MYO1E: variants seen among roughly 807,000 people sequenced by gnomAD.
MYO1E encodes the protein unconventional myosin-Ie.
MYO1E carries 68 observed loss-of-function variants against 151.1 expected under a neutral mutation model. That is an observed-to-expected ratio of 0.45 (90% CI 0.37 to 0.55). MYO1E has a LOEUF of 0.55. Among genes scored for constraint, MYO1E ranks in the 20% least tolerant of loss-of-function variants. The pLI, the probability that MYO1E is intolerant of heterozygous loss-of-function variation, is 0.00. For missense variants in MYO1E, 1,363 were observed against 1,389.3 expected (o/e 0.98, Z 0.30); for synonymous variants, 601 against 501.7 (o/e 1.20, Z -2.64).
At chr15:59,223,717 C>G (rs1291621452) in intron 8 of MYO1E, among the ~76,000 whole-genome samples, 2 of 152,172 alleles carry the variant, frequency 1.3e-5, no homozygotes, top group African/African-American at 4.8e-5. Flanking sequence ...AATGAAAAAT[C>G]TCCAGGAAAT....
chr15:59,258,106 G>C (rs2080204369), intron 3 of MYO1E, among the ~76,000 whole-genome samples: 1 of 152,144 alleles, frequency 6.6e-6, no homozygotes, highest in African/African-American at 2.4e-5. Flanking sequence ...CAGCACTTTG[G>C]GAGGCTGAGG....
intron 1 of MYO1E, among the ~76,000 whole-genome samples, chr15:59,309,934 C>T (rs951665120): frequency 2.6e-5 from 4 of 152,164 alleles, no homozygotes; most frequent in Non-Finnish European, 5.9e-5. Context: ...CCTCCCACTA[C>T]ATCAGATCTT....
chr15:59,156,382 G>A lies in MYO1E; in HGVS notation c.2878+1905C>T, dbSNP rs75848656. Among the ~76,000 whole-genome samples, 76 of 152,198 alleles carry A rather than the reference G, an allele frequency of 5.0e-4. 2 individuals carry two copies. In the East Asian group the frequency reaches 0.014, roughly 29 times the overall value. On this transcript the variant is annotated intron_variant, in intron 25 of 27. Coordinates refer to ENST00000288235, the MANE Select transcript of MYO1E (RefSeq NM_004998.4). ...GTATTTTTAGTAGAGACAGGGTTTTGTCATGTTGGCTAGGCTGGTCTCAAA... is the reference window on the plus strand; with the variant it reads ...GTATTTTTAGTAGAGACAGGGTTTTATCATGTTGGCTAGGCTGGTCTCAAA...
At chr15:59,179,000 T>A (rs1255079404) in intron 18 of MYO1E, among the ~76,000 whole-genome samples, 1 of 152,252 alleles carries the variant, frequency 6.6e-6, no homozygotes, top group African/African-American at 2.4e-5. Context: ...TTTGAAATTC[T>A]GTGCATCTGG....
chr15:59,329,666 C>A (rs2080686815), intron 1 of MYO1E, among the ~76,000 whole-genome samples: 1 of 152,136 alleles, frequency 6.6e-6, no homozygotes, highest in South Asian at 2.1e-4. Context: ...TGAAAACTGC[C>A]AGCCGTCAAA....
At chr15:59,231,597 G>T in intron 6 of MYO1E, 105 bp downstream of exon 6, 1 of 1,209,738 alleles carries the variant, frequency 8.3e-7, no homozygotes, top group Non-Finnish European at 1.2e-6. Context: ...GTGGCCTCCT[G>T]ATGATATGTG....
intron 27 of MYO1E, 115 bp downstream of exon 27, chr15:59,138,083 T>C: frequency 7.6e-7 from 1 of 1,316,852 alleles, no homozygotes; most frequent in Admixed American, 1.7e-5. Flanking sequence ...GACCTGCCTC[T>C]ACAAATTGCA....
intron 1 of MYO1E, among the ~76,000 whole-genome samples, chr15:59,295,456 A>G (rs2080443234): frequency 1.3e-5 from 2 of 152,216 alleles, no homozygotes; most frequent in African/African-American, 4.8e-5. Context: ...AGGGCCAGGA[A>G]GGCAAGGCTG....
chr15:59,181,656 G>A (rs1204955855), intron 18 of MYO1E, among the ~76,000 whole-genome samples: 1 of 152,210 alleles, frequency 6.6e-6, no homozygotes, highest in African/African-American at 2.4e-5. Context: ...ATTTTCCAGA[G>A]AGGAAACGAA....
rs748551308 is a variant in MYO1E, at chr15:59,221,289, C to G, written c.910+1770G>C. ...CCTCCTGAAGTGCTGGGATTACAGG[C>G]ATGAGCCACCATGCCTGGCCTAAGA... is the stretch of plus-strand genomic sequence containing the variant. On this transcript the variant is annotated intron_variant, in intron 9 of 27. Transcript: ENST00000288235. 4.8e-4 allele frequency among the ~76,000 whole-genome samples: 73 copies of G among 152,034 alleles called. 1 individual carries two copies. Among genetic ancestry groups the G allele is most frequent in the Admixed American group, 3.3e-4 (5 of 15,254 alleles).
intron 4 of MYO1E, among the ~76,000 whole-genome samples, chr15:59,250,526 C>T (rs1035422685): frequency 6.6e-6 from 1 of 152,072 alleles, no homozygotes; most frequent in Non-Finnish European, 1.5e-5. Flanking sequence ...TTTTGTTTGG[C>T]TTTAATTTGT....
At position 59,173,807 on chromosome 15, in the gene MYO1E, A is replaced by G; in HGVS notation, c.2273T>C (p.Val758Ala). The G allele has an allele frequency of 6.2e-7, 1 of 1,614,090 alleles. No homozygotes were observed. Among genetic ancestry groups the G allele is most frequent in the Non-Finnish European group, 8.5e-7 (1 of 1,179,964 alleles). ...GAAATCAATCTTCTCCCTCTTGCCCACGAACTGCTGGAGTTCTGGGTGCTC... is the reference window on the plus strand; with the variant it reads ...GAAATCAATCTTCTCCCTCTTGCCCGCGAACTGCTGGAGTTCTGGGTGCTC... ...MEEHPELQQF[V>A]GKREKIDFAD... The change falls in exon 21 of 28, where the codon GTG becomes GCG. Residue 758 changes from valine to alanine, a missense_variant. By Grantham distance (64) the Val-to-Ala change is moderately conservative. Coordinates refer to ENST00000288235, the MANE Select transcript of MYO1E (RefSeq NM_004998.4).
At chr15:59,248,509 A>G (rs2080144635) in intron 4 of MYO1E, among the ~76,000 whole-genome samples, 1 of 151,074 alleles carries the variant, frequency 6.6e-6, no homozygotes, top group South Asian at 2.1e-4. Context: ...AAAAAAAAAA[A>G]AGTTAGCATC....
intron 26 of MYO1E, among the ~76,000 whole-genome samples, chr15:59,145,054 G>A (rs561007308): frequency 6.6e-6 from 1 of 152,098 alleles, no homozygotes; most frequent in Non-Finnish European, 1.5e-5. Flanking sequence ...TGTTGGTCAG[G>A]CTGGTCTTGA....
intron 1 of MYO1E, among the ~76,000 whole-genome samples, chr15:59,309,040 G>T (rs1257683043): frequency 6.6e-6 from 1 of 151,882 alleles, no homozygotes; most frequent in Non-Finnish European, 1.5e-5. Context: ...TTGAGCCTGG[G>T]AGTTCGGAAG....
intron 1 of MYO1E, among the ~76,000 whole-genome samples, chr15:59,315,378 C>T (rs1484483610): frequency 6.6e-6 from 1 of 151,904 alleles, no homozygotes; most frequent in Non-Finnish European, 1.5e-5. Flanking sequence ...AGGGGTCTTA[C>T]GAAAGGTCTA....
intron 9 of MYO1E, among the ~76,000 whole-genome samples, chr15:59,222,386 G>C (rs2079961445): frequency 6.6e-6 from 1 of 152,028 alleles, no homozygotes. Context: ...TGTATTTATG[G>C]TAGATTTTGG....
At chr15:59,161,382 C>G (rs2079537549) in intron 23 of MYO1E, 152 bp from the exon 24 acceptor site, 22 of 883,404 alleles carry the variant, frequency 2.5e-5, no homozygotes, top group Non-Finnish European at 3.4e-5. Flanking sequence ...AGGATGCGCA[C>G]CGCATCCATG....
chr15:59,284,627 CA>C (rs141076604), intron 1 of MYO1E, among the ~76,000 whole-genome samples: 5,988 of 141,896 alleles, frequency 0.042, 495 homozygotes, highest in African/African-American at 0.15. Context: ...GTTTCTCTAC[CA>C]AAAAAAAAAA....
Sources: gnomAD v4.1 joint callset for allele counts (sites outside exome capture counted in the v4.1 genomes callset) on GRCh38, gnomAD v4.1.1 for gene constraint, MANE v1.5 for transcripts, NCBI Gene and HGNC (gene_info 2026-07-23, HGNC 2026-07-21) for gene names.